DSCAM: variants seen among roughly 807,000 people sequenced by gnomAD.
DSCAM encodes cell adhesion molecule DSCAM.
DSCAM carries 47 observed loss-of-function variants against 217.7 expected under a neutral mutation model. The ratio of observed to expected loss-of-function variants is 0.22; its 90% confidence interval spans 0.17 to 0.28. The LOEUF (loss-of-function observed/expected upper bound fraction) is 0.28, where lower values mean the gene tolerates loss of function less well. Ranked by LOEUF, DSCAM falls within the 10% of genes least tolerant of loss-of-function variation. The pLI, the probability that DSCAM is intolerant of heterozygous loss-of-function variation, is 1.00. For synonymous variants in DSCAM, 1,056 were observed against 1,015.3 expected, an observed-to-expected ratio of 1.04 and a Z score of -0.76; for missense variants, 2,080 against 2,618.3, an observed-to-expected ratio of 0.79 and a Z score of 4.49.
chr21:40,629,373 A>G (rs2089656172), intron 3 of DSCAM, among the ~76,000 whole-genome samples: 1 of 152,202 alleles, frequency 6.6e-6, no homozygotes, highest in Admixed American at 6.5e-5. Context: ...GCAATTGTGC[A>G]TTTGTATGTA....
chr21:40,738,675 G>A (rs913834086), intron 1 of DSCAM, among the ~76,000 whole-genome samples: 1 of 152,188 alleles, frequency 6.6e-6, no homozygotes, highest in Non-Finnish European at 1.5e-5. Flanking sequence ...CCACCCCAGA[G>A]AATCTGATTC....
chr21:40,472,989 C>CA (rs1569137745), intron 3 of DSCAM, among the ~76,000 whole-genome samples: 1 of 152,162 alleles, frequency 6.6e-6, no homozygotes. Context: ...CAGTGGGCTA[C>CA]AAACCCATTT....
At chr21:40,400,327 G>A (rs1164613863) in intron 3 of DSCAM, among the ~76,000 whole-genome samples, 1 of 152,054 alleles carries the variant, frequency 6.6e-6, no homozygotes, top group Admixed American at 6.5e-5. Context: ...CAAAAAAATA[G>A]CTAGAAGAGT....
At chr21:40,464,678 C>T (rs1336992459) in intron 3 of DSCAM, among the ~76,000 whole-genome samples, 1 of 152,118 alleles carries the variant, frequency 6.6e-6, no homozygotes, top group Non-Finnish European at 1.5e-5. Context: ...TGTTCAGTCC[C>T]AAGTGCACCT....
intron 8 of DSCAM, among the ~76,000 whole-genome samples, chr21:40,323,043 G>C (rs964257364): frequency 3.9e-5 from 6 of 152,126 alleles, no homozygotes; most frequent in African/African-American, 1.4e-4. Context: ...CCAAGGACAG[G>C]CTCTTTTTTG....
At chr21:40,672,870 T>C (rs2090293437) in intron 3 of DSCAM, among the ~76,000 whole-genome samples, 1 of 152,152 alleles carries the variant, frequency 6.6e-6, no homozygotes, top group African/African-American at 2.4e-5. Flanking sequence ...TTTTTTTCTC[T>C]GTCCCCATGT....
intron 9 of DSCAM, among the ~76,000 whole-genome samples, chr21:40,308,499 GTACAGATTTCTAGAGACCTTTCT>G (rs1030602874): frequency 6.6e-6 from 1 of 152,182 alleles, no homozygotes; most frequent in African/African-American, 2.4e-5. Context: ...AAGGAGCCCT[GTACAGATTTCTAGAGACCTTTCT>G]TTGAATAGCT....
intron 3 of DSCAM, among the ~76,000 whole-genome samples, chr21:40,659,018 A>T (rs1449936565): frequency 6.6e-6 from 1 of 152,144 alleles, no homozygotes; most frequent in Non-Finnish European, 1.5e-5. Flanking sequence ...TGAGCTCTTA[A>T]GTGCTTCTTT....
chr21:40,338,684 C>T (rs1268169500), intron 7 of DSCAM, among the ~76,000 whole-genome samples: 1 of 152,174 alleles, frequency 6.6e-6, no homozygotes, highest in Non-Finnish European at 1.5e-5. Context: ...GACAATCACG[C>T]ACTTTTGGTG....
intron 2 of DSCAM, 147 bp from the exon 3 acceptor site, chr21:40,693,103 C>A: frequency 1.1e-6 from 1 of 928,444 alleles, no homozygotes; most frequent in South Asian, 2.5e-5. Context: ...CTACATTTCA[C>A]GTCTTTCATC....
At chr21:40,503,796 G>C (rs1005479299) in intron 3 of DSCAM, among the ~76,000 whole-genome samples, 1 of 152,176 alleles carries the variant, frequency 6.6e-6, no homozygotes, top group Admixed American at 6.5e-5. Flanking sequence ...TGTTTGATTT[G>C]GTTTTGGTTT....
At chr21:40,822,654 C>T (rs1406134340) in intron 1 of DSCAM, among the ~76,000 whole-genome samples, 2 of 152,074 alleles carry the variant, frequency 1.3e-5, no homozygotes, top group Non-Finnish European at 2.9e-5. Flanking sequence ...CATCTTCGGT[C>T]ATTAATAACA....
At chr21:40,277,980 T>G (rs1364054022) in intron 10 of DSCAM, among the ~76,000 whole-genome samples, 1 of 151,662 alleles carries the variant, frequency 6.6e-6, no homozygotes, top group African/African-American at 2.4e-5. Flanking sequence ...ACATAGATAA[T>G]TGAAAAGAGT....
At chr21:40,456,446 A>C (rs1185997184) in intron 3 of DSCAM, among the ~76,000 whole-genome samples, 2 of 152,182 alleles carry the variant, frequency 1.3e-5, no homozygotes, top group African/African-American at 4.8e-5. Context: ...ATAACATTTA[A>C]TTATATGATT....
At chr21:40,799,661 A>G (rs1327296584) in intron 1 of DSCAM, among the ~76,000 whole-genome samples, 1 of 152,090 alleles carries the variant, frequency 6.6e-6, no homozygotes, top group Non-Finnish European at 1.5e-5. Context: ...GCTTGTAAAG[A>G]CCTCTTGAAT....
intron 11 of DSCAM, among the ~76,000 whole-genome samples, chr21:40,244,619 C>T (rs79955963): frequency 0.028 from 4,247 of 152,210 alleles, 191 homozygotes; most frequent in African/African-American, 0.097. Context: ...AGGAAAGCTG[C>T]TGAAGGTGTT....
At chr21:40,022,798 T>A (rs1483612303) in intron 32 of DSCAM, among the ~76,000 whole-genome samples, 2 of 152,042 alleles carry the variant, frequency 1.3e-5, no homozygotes, top group South Asian at 2.1e-4. Flanking sequence ...TTTTCTTATA[T>A]CTAAACTTTT....
At chr21:40,735,404 T>C (rs1271071349) in intron 1 of DSCAM, among the ~76,000 whole-genome samples, 3 of 152,244 alleles carry the variant, frequency 2.0e-5, no homozygotes, top group Admixed American at 6.5e-5. Flanking sequence ...ACACACTTGC[T>C]TTCATCTGAA....
intron 3 of DSCAM, among the ~76,000 whole-genome samples, chr21:40,665,606 C>T (rs890021439): frequency 6.6e-6 from 1 of 152,168 alleles, no homozygotes; most frequent in African/African-American, 2.4e-5. Flanking sequence ...TGTTCATTTC[C>T]AGCAGGTCTC....
Sources: allele counts gnomAD v4.1 joint callset (sites outside exome capture counted in the v4.1 genomes callset), GRCh38; gene constraint gnomAD v4.1.1; transcripts MANE v1.5; gene names NCBI Gene and HGNC (gene_info 2026-07-23, HGNC 2026-07-21).